The following CHST15 variants were observed in gnomAD, a reference collection of about 807,000 sequenced individuals.
CHST15 encodes the protein carbohydrate sulfotransferase 15.
In CHST15, 30 loss-of-function variants were observed where a neutral mutation model predicts 53.6. That is an observed-to-expected ratio of 0.56 (90% CI 0.42 to 0.76). CHST15 has a LOEUF of 0.76. Among genes scored for constraint, CHST15 ranks in the 30% least tolerant of loss-of-function variants. The pLI, the probability that CHST15 is intolerant of heterozygous loss-of-function variation, is 0.00. For missense variants in CHST15, 627 were observed against 740.5 expected, an observed-to-expected ratio of 0.85 and a Z score of 1.78; for synonymous variants, 296 against 289.8, an observed-to-expected ratio of 1.02 and a Z score of -0.22.
At chr10:124,014,816 C>T (rs1946536376) in intron 6 of CHST15, among the ~76,000 whole-genome samples, 1 of 152,212 alleles carries the variant, frequency 6.6e-6, no homozygotes, top group Non-Finnish European at 1.5e-5. Flanking sequence ...GGCTGGGCAC[C>T]TGCACCTGAC....
intron 5 of CHST15, among the ~76,000 whole-genome samples, chr10:124,029,469 C>T (rs1302225320): frequency 2.6e-5 from 4 of 152,188 alleles, no homozygotes; most frequent in South Asian, 4.1e-4. Context: ...TCCTTGTGCA[C>T]GAGTGGGGTT....
In CHST15 at chr10:124,042,539, G is replaced by A. The variant is rs575000365; in HGVS notation, c.887-92C>T. The A allele has an allele frequency of 3.5e-6, 5 of 1,410,088 alleles. No homozygotes were observed. In the East Asian group the frequency reaches 1.2e-4, roughly 33 times the overall value. 87.3% of individuals were successfully genotyped at this position (1,410,088 alleles called of 1,614,324 possible). A position where few individuals can be genotyped will look rare whatever the true frequency, so the allele number is the denominator to read the frequency against. ...GACAGCAACCAAAGAGAGATGGAAA[G>A]GCCTAAAGGGCCTGGCGACAGCAGC... On this transcript the variant is annotated intron_variant, in intron 3 of 7. Transcript: ENST00000435907.
intron 1 of CHST15, among the ~76,000 whole-genome samples, chr10:124,082,226 G>A (rs1422431285): frequency 6.6e-6 from 1 of 152,178 alleles, no homozygotes; most frequent in Non-Finnish European, 1.5e-5. Context: ...TTAATCTGCT[G>A]CCCCAGGCCA....
intron 1 of CHST15, among the ~76,000 whole-genome samples, 195 bp from the exon 2 acceptor site, chr10:124,046,919 G>A (rs1948023738): frequency 6.6e-6 from 1 of 152,170 alleles, no homozygotes; most frequent in South Asian, 2.1e-4. Flanking sequence ...TGGCTTTGGG[G>A]CTCAATTTCT....
At chr10:124,011,515 G>A in intron 7 of CHST15, 1 of 985,470 alleles carries the variant, frequency 1.0e-6, no homozygotes, top group Non-Finnish European at 1.2e-6. Flanking sequence ...AAGTTCCCGG[G>A]CAAGACCATT....
At chr10:124,088,404 C>A (rs967672550) in intron 1 of CHST15, among the ~76,000 whole-genome samples, 1 of 152,238 alleles carries the variant, frequency 6.6e-6, no homozygotes, top group African/African-American at 2.4e-5. Flanking sequence ...AGGGCAGAAA[C>A]GCTGCAGGTC....
chr10:124,030,158 G>C (rs1947170549), intron 5 of CHST15, among the ~76,000 whole-genome samples: 1 of 152,176 alleles, frequency 6.6e-6, no homozygotes, highest in Non-Finnish European at 1.5e-5. Context: ...AGTCCCTCCT[G>C]AACAGTCTTC....
intron 1 of CHST15, among the ~76,000 whole-genome samples, chr10:124,073,533 A>C (rs1375255261): frequency 6.6e-6 from 1 of 152,222 alleles, no homozygotes; most frequent in Non-Finnish European, 1.5e-5. Flanking sequence ...CAGCACACTT[A>C]GGATAGATGC....
intron 3 of CHST15, among the ~76,000 whole-genome samples, chr10:124,044,310 G>C (rs1947872555): frequency 6.6e-6 from 1 of 152,202 alleles, no homozygotes; most frequent in East Asian, 1.9e-4. Context: ...TGACTGCTCG[G>C]GTCATGTGCC....
At chr10:124,020,940 C>A in intron 6 of CHST15, 1 of 1,390,936 alleles carries the variant, frequency 7.2e-7, no homozygotes, top group Non-Finnish European at 9.3e-7. Context: ...AGTTGGGTGT[C>A]CTCATGTCTG....
chr10:124,011,936 C>G lies in CHST15; in HGVS notation c.1495+397G>C, dbSNP rs1416087942. 8 of 835,270 alleles carry G rather than the reference C, an allele frequency of 9.6e-6. No individual in the cohort carries two copies. The African/African-American group carries it at 1.5e-4, about 15-fold the overall frequency. 51.7% of individuals were successfully genotyped at this position (835,270 alleles called of 1,614,324 possible). On this transcript the variant is annotated intron_variant, in intron 7 of 7. Transcript: ENST00000435907. ...ACAAAGCTCAGCTCTCAGGCCCTTT[C>G]CTTCCATGAAGCCTTCCTCATCCGT...
chr10:124,034,417 A>G (rs1043009016), intron 5 of CHST15, among the ~76,000 whole-genome samples: 6 of 152,048 alleles, frequency 3.9e-5, no homozygotes, highest in Admixed American at 3.9e-4. Context: ...TTGCACCTGC[A>G]CGGTGCTGCT....
At chr10:124,063,450 A>T (rs181072696) in intron 1 of CHST15, among the ~76,000 whole-genome samples, 66 of 152,222 alleles carry the variant, frequency 4.3e-4, no homozygotes, top group African/African-American at 1.5e-3. Context: ...TAGATAACAG[A>T]CCTAGTTTCT....
intron 1 of CHST15, among the ~76,000 whole-genome samples, chr10:124,091,312 T>G (rs1949593967): frequency 6.6e-6 from 1 of 152,154 alleles, no homozygotes. Flanking sequence ...AAGGGAGGGT[T>G]CCTGATTTTG....
At chr10:124,025,251 G>C (rs1296305066) in intron 5 of CHST15, among the ~76,000 whole-genome samples, 1 of 152,202 alleles carries the variant, frequency 6.6e-6, no homozygotes, top group African/African-American at 2.4e-5. Flanking sequence ...CATACCTACT[G>C]TTCCAACCAG....
At chr10:124,062,011 T>TTA (rs1273322881) in intron 1 of CHST15, among the ~76,000 whole-genome samples, 9 of 142,182 alleles carry the variant, frequency 6.3e-5, no homozygotes, top group Admixed American at 1.4e-4. Context: ...TATAAATCAT[T>TTA]AAAAAAAAAA....
Position 124,009,928 on chromosome 10 carries a change from C to G in CHST15, c.*221G>C. 1 of 1,380,850 alleles carries G rather than the reference C, an allele frequency of 7.2e-7. No individual in the cohort carries two copies. The highest frequency in any genetic ancestry group is 9.4e-7 in the Non-Finnish European group (1 of 1,068,210). The allele number at this position is 1,380,850 out of a possible 1,614,324, so 85.5% of individuals were successfully genotyped here. On this transcript the variant is annotated 3_prime_UTR_variant, in exon 8 of 8. Coordinates refer to ENST00000435907, the MANE Select transcript of CHST15 (RefSeq NM_001270764.2). ...AGCTGAATTCTTGAGAAACTGGGGT[C>G]TCCAATGGCCTCGGATAGAGGAGCT...
At position 124,049,063 on chromosome 10, in the gene CHST15, AAG is replaced by A. The variant is rs1948100978; in HGVS notation, c.-512-2341_-512-2340del. On this transcript the variant is annotated intron_variant, in intron 1 of 7. Coordinates refer to ENST00000435907, the MANE Select transcript of CHST15 (RefSeq NM_001270764.2). ...CTGAGGAGGCAATTCGAGATGCTGC[AAG>A]AGCCTTAGCAAAACACTCAGATACA... Among the ~76,000 whole-genome samples the A allele has an allele frequency of 5.3e-5, 8 of 152,328 alleles. No homozygotes were observed. In the South Asian group the frequency reaches 1.7e-3, roughly 32 times the overall value.
chr10:124,048,427 A>C (rs1331103557), intron 1 of CHST15, among the ~76,000 whole-genome samples: 4 of 152,206 alleles, frequency 2.6e-5, no homozygotes. Context: ...GGGATGCAGA[A>C]GGGGCCAGTT....
Sources: allele counts gnomAD v4.1 joint callset (sites outside exome capture counted in the v4.1 genomes callset), GRCh38; gene constraint gnomAD v4.1.1; transcripts MANE v1.5; gene names NCBI Gene and HGNC (gene_info 2026-07-23, HGNC 2026-07-21).